C8orf34: variants seen among roughly 807,000 people sequenced by gnomAD.
C8orf34 encodes chromosome 8 open reading frame 34.
C8orf34 carries 65 observed loss-of-function variants against 68.3 expected under a neutral mutation model. That is an observed-to-expected ratio of 0.95 (90% CI 0.78 to 1.17). The LOEUF (loss-of-function observed/expected upper bound fraction) is 1.17. Among genes scored for constraint, C8orf34 ranks in the 50% most tolerant of loss-of-function variants. The pLI is 0.00. For missense variants in C8orf34, 664 were observed against 655.4 expected, an observed-to-expected ratio of 1.01 and a Z score of -0.14; for synonymous variants, 244 against 241.2, an observed-to-expected ratio of 1.01 and a Z score of -0.11.
chr8:68,716,433 TAATA>T (rs1821473819), intron 9 of C8orf34, among the ~76,000 whole-genome samples: 1 of 152,070 alleles, frequency 6.6e-6, no homozygotes, highest in Non-Finnish European at 1.5e-5. Context: ...ACCTACAATT[TAATA>T]AATAAAAAAT....
intron 5 of C8orf34, among the ~76,000 whole-genome samples, chr8:68,493,183 CA>C (rs1331176182): frequency 1.3e-5 from 2 of 152,158 alleles, no homozygotes; most frequent in Admixed American, 1.3e-4. Context: ...CTCAAAATAT[CA>C]TTACACTTCC....
At chr8:68,438,701 A>G (rs930223673) in intron 1 of C8orf34, 3 of 152,178 alleles carry the variant, frequency 2.0e-5, no homozygotes, top group African/African-American at 7.2e-5. Flanking sequence ...ACGTGGCTTG[A>G]CAGCTGTTCA....
intron 1 of C8orf34, among the ~76,000 whole-genome samples, chr8:68,429,804 T>TA (rs1810377698): frequency 6.6e-6 from 1 of 152,136 alleles, no homozygotes; most frequent in African/African-American, 2.4e-5. Context: ...AGGTAATAGA[T>TA]ATTGTATGTG....
chr8:68,671,377 T>C (rs1032245360), intron 8 of C8orf34, among the ~76,000 whole-genome samples: 2 of 152,216 alleles, frequency 1.3e-5, no homozygotes, highest in African/African-American at 4.8e-5. Flanking sequence ...AAAATTGTGC[T>C]GGTGCCACTT....
chr8:68,535,294 A>T (rs1029169684), intron 7 of C8orf34: 10 of 980,812 alleles, frequency 1.0e-5, no homozygotes, highest in Non-Finnish European at 1.1e-5. Context: ...AATCTTTTTG[A>T]ATCTACATTT....
chr8:68,530,660 C>T (rs919812166), intron 6 of C8orf34: 2 of 1,162,024 alleles, frequency 1.7e-6, no homozygotes, highest in Non-Finnish European at 2.2e-6. Context: ...GCTAAATAAA[C>T]TTCTTCCTTC....
At chr8:68,741,537 T>C (rs1384428270) in intron 10 of C8orf34, among the ~76,000 whole-genome samples, 1 of 152,212 alleles carries the variant, frequency 6.6e-6, no homozygotes, top group Non-Finnish European at 1.5e-5. Flanking sequence ...CACCCTGTTG[T>C]GCTAGCAAAT....
chr8:68,366,536 G>A (rs1270863254), intron 1 of C8orf34, among the ~76,000 whole-genome samples: 1 of 150,976 alleles, frequency 6.6e-6, no homozygotes, highest in Non-Finnish European at 1.5e-5. Flanking sequence ...CATGGTACTG[G>A]TACCAAAACA....
intron 5 of C8orf34, among the ~76,000 whole-genome samples, chr8:68,504,682 ATTTTTTT>A (rs563414330): frequency 7.8e-6 from 1 of 128,892 alleles, no homozygotes; most frequent in African/African-American, 2.9e-5. Flanking sequence ...ACCATGCCTA[ATTTTTTT>A]TTTTTTTTTT....
intron 12 of C8orf34, among the ~76,000 whole-genome samples, chr8:68,806,470 T>C (rs1243872546): frequency 6.6e-6 from 1 of 152,214 alleles, no homozygotes; most frequent in Non-Finnish European, 1.5e-5. Flanking sequence ...ATATCATTTT[T>C]TCTTTGTGTT....
At chr8:68,614,339 G>A (rs1029095795) in intron 7 of C8orf34, among the ~76,000 whole-genome samples, 1 of 152,140 alleles carries the variant, frequency 6.6e-6, no homozygotes, top group African/African-American at 2.4e-5. Flanking sequence ...ATTGCTTTTG[G>A]TGTTTTAGAA....
At chr8:68,671,340 A>C (rs1820001794) in intron 8 of C8orf34, among the ~76,000 whole-genome samples, 1 of 152,232 alleles carries the variant, frequency 6.6e-6, no homozygotes. Flanking sequence ...GAGAACGATC[A>C]TGTGATTTTA....
chr8:68,666,366 GA>G (rs1819840904), intron 8 of C8orf34, among the ~76,000 whole-genome samples: 1 of 152,182 alleles, frequency 6.6e-6, no homozygotes, highest in African/African-American at 2.4e-5. Flanking sequence ...AACAAGCAGT[GA>G]GAATAAATTT....
rs180757181 is a variant in C8orf34 at position 68,709,873 on chromosome 8, G to A, written c.1327+794G>A. On this transcript the variant is annotated intron_variant, in intron 9 of 13. Coordinates refer to ENST00000518698, the MANE Select transcript of C8orf34 (RefSeq NM_052958.4). ...GTAATGCCACTCCAATGCCATCTAAGGTACATCACGTCTTCATCAGTCAGC... is the reference window on the plus strand; with the variant it reads ...GTAATGCCACTCCAATGCCATCTAAAGTACATCACGTCTTCATCAGTCAGC... Among the ~76,000 whole-genome samples the A allele has an allele frequency of 1.7e-3, 264 of 152,214 alleles. 1 individual carries two copies. Among genetic ancestry groups the A allele is most frequent in the African/African-American group, 3.9e-3 (160 of 41,542 alleles).
intron 1 of C8orf34, among the ~76,000 whole-genome samples, chr8:68,411,858 A>G (rs537259165): frequency 1.3e-5 from 2 of 152,258 alleles, no homozygotes; most frequent in East Asian, 3.9e-4. Context: ...CTGTTGACTG[A>G]ATGTTTGTAT....
In C8orf34 at chr8:68,536,350, C is replaced by A. The variant is rs7008381; in HGVS notation, c.1105+3201C>A. ...GTCCAGCCTGGGTGACAGAGGGAGA[C>A]CCTATCTCAAAAAAAAAAAAAAAAA... On this transcript the variant is annotated intron_variant, in intron 7 of 13. Transcript: ENST00000518698. Among the ~76,000 whole-genome samples, 391 of 121,292 alleles carry A rather than the reference C, an allele frequency of 3.2e-3. 4 individuals are homozygous for A. Among genetic ancestry groups the A allele is most frequent in the African/African-American group, 0.012 (373 of 30,900 alleles). The allele number at this position is 121,292 out of a possible 152,430, so 79.6% of individuals were successfully genotyped here. A position where few individuals can be genotyped will look rare whatever the true frequency, so the allele number is the denominator to read the frequency against.
chr8:68,663,780 T>C (rs1414114812), intron 8 of C8orf34, among the ~76,000 whole-genome samples: 3 of 152,222 alleles, frequency 2.0e-5, no homozygotes, highest in Non-Finnish European at 4.4e-5. Context: ...GTTTGATAGA[T>C]GGTCCCTGAC....
intron 1 of C8orf34, among the ~76,000 whole-genome samples, chr8:68,335,031 G>A (rs1007948299): frequency 6.6e-6 from 1 of 152,018 alleles, no homozygotes; most frequent in African/African-American, 2.4e-5. Flanking sequence ...TGCTCCTTGC[G>A]TTTATCAGAG....
intron 1 of C8orf34, among the ~76,000 whole-genome samples, chr8:68,361,700 A>G (rs1807007443): frequency 6.6e-6 from 1 of 152,128 alleles, no homozygotes; most frequent in Non-Finnish European, 1.5e-5. Context: ...CTTTCTAACT[A>G]TATTGTTGGC....
Sources: gnomAD v4.1 joint callset for allele counts (sites outside exome capture counted in the v4.1 genomes callset) on GRCh38, gnomAD v4.1.1 for gene constraint, MANE v1.5 for transcripts, NCBI Gene and HGNC (gene_info 2026-07-23, HGNC 2026-07-21) for gene names.